The following CDH8 variants were observed in gnomAD, a reference collection of about 807,000 sequenced individuals.
CDH8 encodes the protein cadherin-8.
In CDH8, 17 loss-of-function variants were observed where a neutral mutation model predicts 68.1. That is an observed-to-expected ratio of 0.25 (90% confidence interval 0.17 to 0.37). CDH8 has a LOEUF of 0.37. Ranked by LOEUF, CDH8 falls within the 10% of genes least tolerant of loss-of-function variation. The pLI is 1.00. For missense variants in CDH8, 763 were observed against 999.3 expected (o/e 0.76, Z 3.19); for synonymous variants, 372 against 365.1 (o/e 1.02, Z -0.21).
intron 3 of CDH8, among the ~76,000 whole-genome samples, chr16:61,879,582 T>C (rs1166282405): frequency 1.3e-5 from 2 of 152,212 alleles, no homozygotes; most frequent in East Asian, 1.9e-4. Context: ...CAAACTGCTC[T>C]GTGCCCTGGT....
At chr16:61,691,117 C>T (rs1964214643) in intron 10 of CDH8, among the ~76,000 whole-genome samples, 1 of 152,080 alleles carries the variant, frequency 6.6e-6, no homozygotes, top group South Asian at 2.1e-4. Context: ...TTGTTTGCCG[C>T]ACACACCTTG....
At chr16:61,734,348 A>G (rs1406822495) in intron 8 of CDH8, among the ~76,000 whole-genome samples, 2 of 147,594 alleles carry the variant, frequency 1.4e-5, no homozygotes, top group Non-Finnish European at 3.1e-5. Flanking sequence ...CTGGGGGGAA[A>G]ATGATTTCCT....
At chr16:61,999,901 G>A (rs925452563) in intron 2 of CDH8, among the ~76,000 whole-genome samples, 7 of 151,920 alleles carry the variant, frequency 4.6e-5, no homozygotes, top group Non-Finnish European at 8.8e-5. Context: ...CTATCAACCC[G>A]TCATCTAGGT....
chr16:61,687,735 G>A (rs1964136998), intron 10 of CDH8, among the ~76,000 whole-genome samples: 1 of 151,886 alleles, frequency 6.6e-6, no homozygotes, highest in Admixed American at 6.6e-5. Context: ...TAAGTGCCCT[G>A]GGCAAGTTGC....
chr16:61,820,047 C>A (rs1209937175), intron 6 of CDH8, among the ~76,000 whole-genome samples: 2 of 152,000 alleles, frequency 1.3e-5, no homozygotes, highest in Non-Finnish European at 2.9e-5. Flanking sequence ...AAATGCTGTA[C>A]AGAATTGTTT....
chr16:61,737,933 G>T (rs903720543), intron 8 of CDH8, among the ~76,000 whole-genome samples: 1 of 152,218 alleles, frequency 6.6e-6, no homozygotes, highest in Admixed American at 6.5e-5. Flanking sequence ...GCAAGCCAGA[G>T]TATAAAGAGT....
In CDH8 at chr16:61,666,314, T is replaced by C. The variant is rs189688591; in HGVS notation, c.1655-10593A>G. ...TGAAAAAGGGAAATACTCTATTCTC[T>C]TTGTATGTTTAATAAAACAGGATTG... is the stretch of plus-strand genomic sequence containing the variant. On this transcript the variant is annotated intron_variant, in intron 10 of 11. Transcript: ENST00000577390. 5.9e-5 allele frequency among the ~76,000 whole-genome samples: 9 copies of C among 152,124 alleles called. No homozygotes were observed. The East Asian group carries it at 1.6e-3, about 26-fold the overall frequency.
At chr16:61,801,463 C>A (rs910675458) in intron 7 of CDH8, among the ~76,000 whole-genome samples, 23 of 152,146 alleles carry the variant, frequency 1.5e-4, no homozygotes, top group Admixed American at 4.6e-4. Flanking sequence ...ATTGGAGGAG[C>A]CAAGATGGCC....
intron 2 of CDH8, among the ~76,000 whole-genome samples, chr16:61,908,595 T>C (rs1964103445): frequency 2.0e-5 from 3 of 152,158 alleles, no homozygotes. Flanking sequence ...TCAAGAAACA[T>C]TGTTTTCAGG....
rs373423897 is a variant in CDH8, at chr16:61,860,886, T to A, written c.548-3648A>T. Among the ~76,000 whole-genome samples, 45 of 152,318 alleles carry A rather than the reference T, an allele frequency of 3.0e-4. No individual in the cohort carries two copies. In the East Asian group the frequency reaches 7.7e-3, roughly 26 times the overall value. ...TTATGCACAGGCTTCGTGCGTTTGG[T>A]CAGAGTAGTATGGGGTTAACAGTTT... On this transcript the variant is annotated intron_variant, in intron 3 of 11. Transcript: ENST00000577390.
intron 9 of CDH8, chr16:61,726,050 A>G (rs558839128): frequency 2.0e-5 from 3 of 150,942 alleles, no homozygotes; most frequent in Admixed American, 2.0e-4. Context: ...ATACAGCTAC[A>G]GTGCCAGTCC....
At chr16:61,659,393 G>A (rs1377407811) in intron 10 of CDH8, among the ~76,000 whole-genome samples, 1 of 152,106 alleles carries the variant, frequency 6.6e-6, no homozygotes, top group African/African-American at 2.4e-5. Flanking sequence ...AAGAACACAG[G>A]GGTCCCTCTC....
intron 7 of CDH8, among the ~76,000 whole-genome samples, chr16:61,792,972 C>T (rs1961413195): frequency 1.3e-5 from 2 of 152,006 alleles, no homozygotes; most frequent in South Asian, 4.1e-4. Flanking sequence ...TTGTGTGATT[C>T]CCAAAATACA....
intron 8 of CDH8, among the ~76,000 whole-genome samples, chr16:61,749,873 C>T (rs1438052410): frequency 1.3e-5 from 2 of 151,928 alleles, no homozygotes; most frequent in Non-Finnish European, 2.9e-5. Flanking sequence ...GAACTTTGTA[C>T]TTTACTGGCA....
intron 3 of CDH8, among the ~76,000 whole-genome samples, chr16:61,898,470 A>G (rs1963908235): frequency 6.6e-6 from 1 of 152,176 alleles, no homozygotes; most frequent in African/African-American, 2.4e-5. Flanking sequence ...GTCATATTGT[A>G]GGTAGGTAAG....
At chr16:62,005,591 C>T (rs1179908066) in intron 2 of CDH8, among the ~76,000 whole-genome samples, 1 of 151,974 alleles carries the variant, frequency 6.6e-6, no homozygotes, top group East Asian at 1.9e-4. Context: ...CAAAAATTAG[C>T]TGGGCGTGGA....
At chr16:61,804,382 C>T (rs371989280) in intron 7 of CDH8, among the ~76,000 whole-genome samples, 1 of 151,936 alleles carries the variant, frequency 6.6e-6, no homozygotes, top group Admixed American at 6.6e-5. Context: ...ATCCAAAATT[C>T]ACACCCTAAC....
intron 4 of CDH8, among the ~76,000 whole-genome samples, chr16:61,854,950 A>T (rs575298202): frequency 1.5e-4 from 23 of 152,172 alleles, no homozygotes; most frequent in African/African-American, 5.5e-4. Flanking sequence ...TTTACATTCC[A>T]CTCATACATA....
intron 2 of CDH8, among the ~76,000 whole-genome samples, chr16:61,973,488 C>T (rs147622605): frequency 0.012 from 1,899 of 152,254 alleles, 35 homozygotes; most frequent in Admixed American, 0.047. Flanking sequence ...AGGGTCTATG[C>T]CCCTAACTCC....
Sources: allele counts gnomAD v4.1 joint callset (sites outside exome capture counted in the v4.1 genomes callset), GRCh38; gene constraint gnomAD v4.1.1; transcripts MANE v1.5; gene names NCBI Gene and HGNC (gene_info 2026-07-23, HGNC 2026-07-21).